Variants in PLEKHG5 observed in about 807,000 individuals in gnomAD.
PLEKHG5 encodes pleckstrin homology and RhoGEF domain containing G5, also known as pleckstrin homology domain-containing family G member 5.
In PLEKHG5, 52 loss-of-function variants were observed where a neutral mutation model predicts 103.8. The ratio of observed to expected loss-of-function variants is 0.50; its 90% CI spans 0.40 to 0.63. The LOEUF (loss-of-function observed/expected upper bound fraction) is 0.63, where lower values mean the gene tolerates loss of function less well. Ranked by LOEUF, PLEKHG5 falls within the 30% of genes least tolerant of loss-of-function variation. The pLI is 0.00. For synonymous variants in PLEKHG5, 592 were observed against 575.5 expected (o/e 1.03, Z -0.41); for missense variants, 1,205 against 1,347.6 (o/e 0.89, Z 1.66).
intron 1 of PLEKHG5, among the ~76,000 whole-genome samples, chr1:6,484,811 TG>T (rs1341666628): frequency 1.1e-4 from 16 of 151,840 alleles, no homozygotes; most frequent in Admixed American, 5.9e-4. Flanking sequence ...AGCCCACCCA[TG>T]GGAACAGCCA....
At position 6,490,422 on chromosome 1, in the gene PLEKHG5, G is replaced by T; in HGVS notation, c.-88+1215C>A. 1.0e-6 allele frequency: 1 copy of T among 983,822 alleles called. No individual in the cohort carries two copies. The highest frequency in any genetic ancestry group is 1.2e-6 in the Non-Finnish European group (1 of 828,534). 60.9% of individuals were successfully genotyped at this position (983,822 alleles called of 1,614,324 possible). A position where few individuals can be genotyped will look rare whatever the true frequency, so the allele number is the denominator to read the frequency against. On this transcript the variant is annotated intron_variant, in intron 1 of 20. Transcript: ENST00000377728. The surrounding 1 kb of genome is among the most constrained non-coding windows in gnomAD (Gnocchi z 8.0). ...AGTCCCACCCCCCGTCCGGAGCGCA[G>T]CTCCCACTTCCCCGCGACTCACCTA...
At chr1:6,471,700 C>T in intron 11 of PLEKHG5, 58 bp downstream of exon 11, 1 of 1,583,306 alleles carries the variant, frequency 6.3e-7, no homozygotes, top group Admixed American at 1.8e-5. Context: ...GCCCCAGGTC[C>T]AGGTCCCGCC....
At position 6,503,424 on chromosome 1, in the gene PLEKHG5, T is replaced by TTC. The variant is rs1553179543; in HGVS notation, c.-164-6857_-164-6856dup. Among the ~76,000 whole-genome samples, 653 of 150,308 alleles carry TTC rather than the reference T, an allele frequency of 4.3e-3. 6 individuals carry two copies. Among genetic ancestry groups the TTC allele is most frequent in the African/African-American group, 0.016 (633 of 40,466 alleles). Reference sequence around the variant, plus strand: ...AACCCTGTCTTTTTTTTTTTTTTTTTTCAGATGGAGTTTTGCTCTTGTCAC... The same window carrying TTC: ...AACCCTGTCTTTTTTTTTTTTTTTTTTCTCAGATGGAGTTTTGCTCTTGTCAC... On this transcript the variant is annotated intron_variant, in intron 1 of 21. Transcript: ENST00000377740.
At chr1:6,518,187 C>T (rs1185182344) in intron 1 of PLEKHG5, among the ~76,000 whole-genome samples, 1 of 151,982 alleles carries the variant, frequency 6.6e-6, no homozygotes, top group Non-Finnish European at 1.5e-5. Context: ...CCGCCTCAGC[C>T]TCCCAAAGTG....
upstream of PLEKHG5, among the ~76,000 whole-genome samples, chr1:6,500,795 G>C (rs11807339): frequency 7.6e-3 from 1,157 of 152,170 alleles, 15 homozygotes; most frequent in African/African-American, 0.026. Flanking sequence ...CTCCCCACGT[G>C]CGCAACAGCC....
chr1:6,470,142 C>T, intron 16 of PLEKHG5, 94 bp downstream of exon 16: 2 of 1,382,808 alleles, frequency 1.4e-6, no homozygotes, highest in African/African-American at 1.4e-5. Context: ...CTTGAGTAAC[C>T]ACCGAAGGGA....
intron 3 of PLEKHG5, 89 bp downstream of exon 3, chr1:6,475,827 CCTTACTTGAGGAAGG>C: frequency 9.9e-7 from 1 of 1,007,678 alleles, no homozygotes; most frequent in South Asian, 1.3e-5. Context: ...TGCCCATCAG[CCTTACTTGAGGAAGG>C]CGCCAGAGCA....
rs2986753 is a variant in PLEKHG5, at chr1:6,470,375, A to G, written c.1681-20T>C. ...CAGGAGCTGGGGACGGATGGCGTGA[A>G]CGTAGGGGAGGCCAGAGACTGACTC... On this transcript the variant is annotated intron_variant, in intron 15 of 20. Transcript: ENST00000377728. 217,881 of 1,613,418 alleles carry G rather than the reference A, an allele frequency of 0.14. 17,127 individuals are homozygous for G. Among genetic ancestry groups the G allele is most frequent in the African/African-American group, 0.34 (25,453 of 74,930 alleles).
At position 6,487,526 on chromosome 1, in the gene PLEKHG5, G is replaced by A. The variant is rs552940776; in HGVS notation, c.-88+4111C>T. 3.3e-5 allele frequency among the ~76,000 whole-genome samples: 5 copies of A among 152,234 alleles called. No homozygotes were observed. The highest frequency in any genetic ancestry group is 2.1e-4 in the South Asian group (1 of 4,830). On this transcript the variant is annotated intron_variant, in intron 1 of 20. Transcript: ENST00000377728. The surrounding 1 kb of genome is among the most constrained non-coding windows in gnomAD (Gnocchi z 4.1). Reference sequence around the variant, plus strand: ...CTGGTCCGCACAGGGTCCACCTGCCGGTCTTCCTTCTCTCCCTACAGCTCG... The same window carrying A: ...CTGGTCCGCACAGGGTCCACCTGCCAGTCTTCCTTCTCTCCCTACAGCTCG...
Position 6,486,291 on chromosome 1 carries a change from G to A in PLEKHG5, c.-88+5346C>T, listed in dbSNP as rs1298089567. Among the ~76,000 whole-genome samples the A allele has an allele frequency of 6.6e-6, 1 of 152,068 alleles. No homozygotes were observed. The highest frequency in any genetic ancestry group is 1.5e-5 in the Non-Finnish European group (1 of 67,978). On this transcript the variant is annotated intron_variant, in intron 1 of 20. Transcript: ENST00000377728. This position sits in a 1 kb window ranked among gnomAD's most constrained non-coding sequence, Gnocchi z 5.3. ...TGGTCCGGCTCTCCATCTAGCCCCAGGGACACCCCTCTCTGCTCCAACACC... is the reference window on the plus strand; with the variant it reads ...TGGTCCGGCTCTCCATCTAGCCCCAAGGACACCCCTCTCTGCTCCAACACC...
chr1:6,479,934 C>T (rs1014118745), intron 1 of PLEKHG5, among the ~76,000 whole-genome samples: 13 of 152,208 alleles, frequency 8.5e-5, no homozygotes, highest in Non-Finnish European at 1.5e-4. Context: ...TGGAAGTCTT[C>T]GAGCCAGCAG....
At chr1:6,479,129 C>T (rs1644836567) in intron 1 of PLEKHG5, among the ~76,000 whole-genome samples, 1 of 152,104 alleles carries the variant, frequency 6.6e-6, no homozygotes, top group African/African-American at 2.4e-5. Flanking sequence ...TCCTACAAAA[C>T]CCCATAGAAT....
chr1:6,505,785 C>T lies in PLEKHG5; in HGVS notation c.-164-9216G>A, dbSNP rs551087596. ...GCAGGGCCCACGCTGCCCAGCCAGG[C>T]CAGCCCTGGAGGAAGGACAGCCTCC... On this transcript the variant is annotated intron_variant, in intron 1 of 21. Transcript: ENST00000377740. This position sits in a 1 kb window ranked among gnomAD's most constrained non-coding sequence, Gnocchi z 4.2. Among the ~76,000 whole-genome samples, 13 of 152,354 alleles carry T rather than the reference C, an allele frequency of 8.5e-5. No homozygotes were observed. In the South Asian group the frequency reaches 2.3e-3, roughly 27 times the overall value.
rs550362834 is a variant in PLEKHG5, at chr1:6,473,262, C to T, written c.784G>A (p.Ala262Thr). Residue 262 changes from alanine (A) to threonine (T), a missense_variant, in exon 8 of 21, where the codon GCC becomes ACC. Ala to Thr is a moderately conservative substitution (Grantham distance 58). Coordinates refer to ENST00000377728, the MANE Select transcript of PLEKHG5 (RefSeq NM_020631.6). The part of the protein sequence containing the change: ...GFFSSGPSTS[A>T]FGREVDKMEQ... Reference sequence around the variant, plus strand: ...ATGGGGCCACATACCCGGCCAAAGGCGCTGGTGCTGGGGCCGGAGCTGAAA... The same window carrying T: ...ATGGGGCCACATACCCGGCCAAAGGTGCTGGTGCTGGGGCCGGAGCTGAAA... The T allele has an allele frequency of 1.8e-5, 29 of 1,609,946 alleles. No individual in the cohort carries two copies. Among genetic ancestry groups the T allele is most frequent in the South Asian group, 3.3e-5 (3 of 90,684 alleles).
At chr1:6,511,728 C>T (rs1638477015) in intron 1 of PLEKHG5, among the ~76,000 whole-genome samples, 1 of 152,250 alleles carries the variant, frequency 6.6e-6, no homozygotes, top group South Asian at 2.1e-4. Context: ...GCTTCACCTC[C>T]AGGCCTGGAG....
upstream of PLEKHG5, among the ~76,000 whole-genome samples, chr1:6,499,865 T>G (rs1348050640): frequency 1.3e-5 from 2 of 152,168 alleles, no homozygotes; most frequent in South Asian, 4.1e-4. Context: ...AGTGTTGTGA[T>G]CAGGGCTCAC....
chr1:6,471,748 C>A lies in PLEKHG5; in HGVS notation c.1131+10G>T. 1 of 1,608,646 alleles carries A rather than the reference C, an allele frequency of 6.2e-7. No individual in the cohort carries two copies. Among genetic ancestry groups the A allele is most frequent in the Middle Eastern group, 1.7e-4 (1 of 6,056 alleles). ...ACCTCACCCGCCGCCGCCCCCGAAT[C>A]CCAGCGCACCTCACACAGCAGCCCT... On this transcript the variant is annotated intron_variant, in intron 11 of 20. Coordinates refer to ENST00000377728, the MANE Select transcript of PLEKHG5 (RefSeq NM_020631.6).
At chr1:6,470,942 C>T (rs1167133249) in intron 13 of PLEKHG5, 48 bp downstream of exon 13, 2 of 1,552,356 alleles carry the variant, frequency 1.3e-6, no homozygotes, top group Non-Finnish European at 1.7e-6. Flanking sequence ...CGGCCCCGTC[C>T]AGGGTCCCGT....
chr1:6,506,479 C>T (rs1172099394), intron 1 of PLEKHG5, among the ~76,000 whole-genome samples: 2 of 152,224 alleles, frequency 1.3e-5, no homozygotes, highest in Non-Finnish European at 2.9e-5. Flanking sequence ...GACAGAGGCC[C>T]GGAAAAGAGT....
Sources: allele counts gnomAD v4.1 joint callset (sites outside exome capture counted in the v4.1 genomes callset), GRCh38; gene constraint gnomAD v4.1.1; non-coding constraint Gnocchi (gnomAD v3.1); transcripts MANE v1.5; gene names NCBI Gene and HGNC (gene_info 2026-07-23, HGNC 2026-07-21).